The following SPECC1 variants were observed in gnomAD, a reference collection of about 807,000 sequenced individuals.
The protein encoded by SPECC1 is sperm antigen with calponin homology and coiled-coil domains 1, also known as cytospin-B.
SPECC1 carries 62 observed loss-of-function variants against 104.1 expected under a neutral mutation model. That is an observed-to-expected ratio of 0.60 (90% CI 0.49 to 0.74). SPECC1 has a LOEUF of 0.74. Ranked by LOEUF, SPECC1 falls within the 30% of genes least tolerant of loss-of-function variation. The probability of loss-of-function intolerance (pLI) is 0.00; values close to 1 mark genes in which losing one functional copy is unlikely to be tolerated. For missense variants in SPECC1, 1,306 were observed against 1,310.5 expected, an observed-to-expected ratio of 1.00 and a Z score of 0.05; for synonymous variants, 513 against 501.6, an observed-to-expected ratio of 1.02 and a Z score of -0.30.
chr17:20,212,146 A>T (rs1477695526), intron 4 of SPECC1, among the ~76,000 whole-genome samples: 2 of 152,208 alleles, frequency 1.3e-5, no homozygotes, highest in Non-Finnish European at 2.9e-5. Context: ...AAATAAACTA[A>T]CATTTCCTCC....
chr17:20,224,376 G>A (rs966784653), intron 4 of SPECC1, among the ~76,000 whole-genome samples: 19 of 152,216 alleles, frequency 1.2e-4, no homozygotes, highest in South Asian at 2.1e-4. Context: ...AAGGCCCAAG[G>A]GCCGTTTAAT....
intron 3 of SPECC1, among the ~76,000 whole-genome samples, chr17:20,144,175 C>CTTTTTTTT (rs1168474738): frequency 4.2e-5 from 4 of 94,408 alleles, no homozygotes; most frequent in East Asian, 8.3e-4. Context: ...TTTTTCTTTT[C>CTTTTTTTT]TTTTTTTTTT....
intron 4 of SPECC1, among the ~76,000 whole-genome samples, chr17:20,206,863 A>G (rs1211181658): frequency 2.6e-5 from 4 of 152,180 alleles, no homozygotes; most frequent in Admixed American, 2.0e-4. Flanking sequence ...AGCACTTGGT[A>G]TTACATTGTT....
chr17:20,050,679 C>T (rs986913172), intron 1 of SPECC1, among the ~76,000 whole-genome samples: 1 of 152,176 alleles, frequency 6.6e-6, no homozygotes, highest in African/African-American at 2.4e-5. Context: ...TTCTCCTACC[C>T]TGGCTCCTTG....
chr17:20,059,594 T>C (rs1375229663), intron 1 of SPECC1, among the ~76,000 whole-genome samples: 1 of 152,204 alleles, frequency 6.6e-6, no homozygotes, highest in East Asian at 1.9e-4. Flanking sequence ...ACCCCTTTTC[T>C]TTCTGGTCCT....
intron 4 of SPECC1, among the ~76,000 whole-genome samples, chr17:20,214,903 A>G (rs2037388522): frequency 6.6e-6 from 1 of 152,238 alleles, no homozygotes; most frequent in South Asian, 2.1e-4. Context: ...AAGGCATTTC[A>G]GCCTATTCAT....
Position 20,311,394 on chromosome 17 carries a change from T to C in SPECC1, c.3118-2582T>C, listed in dbSNP as rs952672532. 2.8e-4 allele frequency among the ~76,000 whole-genome samples: 42 copies of C among 151,976 alleles called. 1 individual carries two copies. The highest frequency in any genetic ancestry group is 9.2e-4 in the African/African-American group (38 of 41,372). The stretch of plus-strand genomic sequence containing the variant: ...GTACATTTTTTTTTTGTTTTTGTTT[T>C]TGTTTTTGTTTTTGAGATGGAGTCT... On this transcript the variant is annotated intron_variant, in intron 14 of 14. Transcript: ENST00000395527.
At position 20,129,928 on chromosome 17, in the gene SPECC1, A is replaced by G. The variant is rs557695137; in HGVS notation, c.283+19366A>G. The stretch of plus-strand genomic sequence containing the variant: ...GCCACTGCGCCCAGCTAATTTTTGT[A>G]TTTTTAGTAGAAACTGGGTTTCACT... On this transcript the variant is annotated intron_variant, in intron 3 of 14. Transcript: ENST00000395527. 2.0e-5 allele frequency among the ~76,000 whole-genome samples: 3 copies of G among 151,074 alleles called. No individual in the cohort carries two copies. In the East Asian group the frequency reaches 5.9e-4, roughly 30 times the overall value.
chr17:20,216,548 C>G (rs1014797968), intron 4 of SPECC1, among the ~76,000 whole-genome samples: 3 of 151,872 alleles, frequency 2.0e-5, no homozygotes, highest in African/African-American at 7.3e-5. Context: ...GGAGGTGACC[C>G]TTGATAGGAT....
intron 1 of SPECC1, among the ~76,000 whole-genome samples, chr17:20,047,079 A>C (rs911328527): frequency 6.6e-6 from 1 of 152,236 alleles, no homozygotes; most frequent in Non-Finnish European, 1.5e-5. Flanking sequence ...ATTAATGAGC[A>C]CATTAAGTAC....
intron 1 of SPECC1, among the ~76,000 whole-genome samples, chr17:20,084,425 G>C (rs1034521952): frequency 6.6e-6 from 1 of 152,114 alleles, no homozygotes; most frequent in Non-Finnish European, 1.5e-5. Context: ...ACAAGGGGAA[G>C]ACTCCGTCTC....
At chr17:20,073,593 C>G (rs1438129562) in intron 1 of SPECC1, 1 of 152,222 alleles carries the variant, frequency 6.6e-6, no homozygotes, top group Non-Finnish European at 1.5e-5. Context: ...GCCCGGCCCC[C>G]TCCGAGTGTG....
At chr17:20,064,549 T>TG (rs1294858937) in intron 1 of SPECC1, among the ~76,000 whole-genome samples, 1 of 151,980 alleles carries the variant, frequency 6.6e-6, no homozygotes, top group Non-Finnish European at 1.5e-5. Flanking sequence ...AGTGCTGGGG[T>TG]GGGAGGACAG....
chr17:20,170,568 C>T (rs2034013120), intron 3 of SPECC1, among the ~76,000 whole-genome samples: 1 of 152,170 alleles, frequency 6.6e-6, no homozygotes, highest in African/African-American at 2.4e-5. Flanking sequence ...ACCCTACTGT[C>T]TCCTTTCATC....
intron 3 of SPECC1, chr17:20,155,933 A>C (rs1383025383): frequency 4.9e-6 from 6 of 1,220,952 alleles, no homozygotes; most frequent in African/African-American, 1.6e-5. Context: ...GGCGGTGTGC[A>C]GTTGAGGTGG....
intron 12 of SPECC1, among the ~76,000 whole-genome samples, chr17:20,261,043 T>A (rs1174022137): frequency 6.6e-6 from 1 of 152,238 alleles, no homozygotes; most frequent in Non-Finnish European, 1.5e-5. Context: ...ATTCTTTTAT[T>A]CTTTTAAACA....
At chr17:20,013,200 G>C (rs749336181) in intron 1 of SPECC1, among the ~76,000 whole-genome samples, 4 of 152,138 alleles carry the variant, frequency 2.6e-5, no homozygotes, top group Non-Finnish European at 5.9e-5. Context: ...CCTGCTTTCA[G>C]TTATTTGGGT....
chr17:20,058,621 C>T (rs190256683), intron 1 of SPECC1, among the ~76,000 whole-genome samples: 6 of 152,012 alleles, frequency 3.9e-5, no homozygotes, highest in Admixed American at 6.6e-5. Context: ...ATCATGCCAC[C>T]GTACTCCAGC....
rs552584918 is a variant in SPECC1 at position 20,009,900 on chromosome 17, G to A, written c.-22+476G>A. 1 of 152,518 alleles carries A rather than the reference G, an allele frequency of 6.6e-6. No homozygotes were observed. Among genetic ancestry groups the A allele is most frequent in the African/African-American group, 2.4e-5 (1 of 41,590 alleles). The allele number at this position is 152,518 out of a possible 1,614,324, so 9.4% of individuals were successfully genotyped here. On this transcript the variant is annotated intron_variant, in intron 1 of 14. Transcript: ENST00000395527. The surrounding 1 kb of genome is among the most constrained non-coding windows in gnomAD (Gnocchi z 5.2). ...CCTTGGGGGTGCTGCGTGGTGCAGAGGACCGAGAAGCCCTTCGCCCTCGGC... is the reference window on the plus strand; with the variant it reads ...CCTTGGGGGTGCTGCGTGGTGCAGAAGACCGAGAAGCCCTTCGCCCTCGGC...
Sources: allele counts gnomAD v4.1 joint callset (sites outside exome capture counted in the v4.1 genomes callset), GRCh38; gene constraint gnomAD v4.1.1; non-coding constraint Gnocchi (gnomAD v3.1); transcripts MANE v1.5; gene names NCBI Gene and HGNC (gene_info 2026-07-23, HGNC 2026-07-21).